FHOD3: variants seen among roughly 807,000 people sequenced by gnomAD.
The protein encoded by FHOD3 is formin homology 2 domain containing 3, also known as FH1/FH2 domain-containing protein 3.
A neutral mutation model predicts 173.0 loss-of-function variants in FHOD3; 90 were observed. That is an observed-to-expected ratio of 0.52 (90% CI 0.44 to 0.62). The LOEUF (loss-of-function observed/expected upper bound fraction) is 0.62. FHOD3 is among the 20% of genes least tolerant of loss of function. FHOD3 has a pLI of 0.00. For missense variants in FHOD3, 1,945 were observed against 2,034.7 expected, an observed-to-expected ratio of 0.96 and a Z score of 0.85; for synonymous variants, 828 against 823.0, an observed-to-expected ratio of 1.01 and a Z score of -0.10.
intron 3 of FHOD3, among the ~76,000 whole-genome samples, chr18:36,481,310 G>A (rs933869151): frequency 6.6e-6 from 1 of 152,094 alleles, no homozygotes; most frequent in African/African-American, 2.4e-5. Flanking sequence ...CTCTTCAAGT[G>A]AGCCAAAACT....
In FHOD3 at chr18:36,549,668, G is replaced by A. The variant is rs377014104; in HGVS notation, c.512-26783G>A. On this transcript the variant is annotated intron_variant, in intron 5 of 28. Transcript: ENST00000590592. The stretch of plus-strand genomic sequence containing the variant: ...TTCTCCTGCCTCAGCCTCCCAAGGA[G>A]CTGGGACTACAGGCGCCCTCCACCA... 2.1e-4 allele frequency among the ~76,000 whole-genome samples: 32 copies of A among 149,356 alleles called. No individual in the cohort carries two copies. In the East Asian group the frequency reaches 5.9e-3, roughly 28 times the overall value.
At chr18:36,393,994 G>A (rs1411633165) in intron 3 of FHOD3, among the ~76,000 whole-genome samples, 4 of 152,176 alleles carry the variant, frequency 2.6e-5, no homozygotes, top group African/African-American at 7.2e-5. Flanking sequence ...ATAACAAGAA[G>A]GGGCTGAGGG....
rs1257678698 is a variant in FHOD3, at chr18:36,401,460, A to G, written c.337+28716A>G. On this transcript the variant is annotated intron_variant, in intron 3 of 28. Coordinates refer to ENST00000590592, the MANE Select transcript of FHOD3 (RefSeq NM_001281740.3). Reference sequence around the variant, plus strand: ...TATAGCAGTCTGAATGAACTAAGACAGCCTGTCATTGGCAAGGATGCCTTT... The same window carrying G: ...TATAGCAGTCTGAATGAACTAAGACGGCCTGTCATTGGCAAGGATGCCTTT... Among the ~76,000 whole-genome samples the G allele has an allele frequency of 2.0e-5, 3 of 152,222 alleles. No homozygotes were observed. In the East Asian group the frequency reaches 5.8e-4, roughly 29 times the overall value.
At chr18:36,583,416 C>A (rs1451389819) in intron 6 of FHOD3, among the ~76,000 whole-genome samples, 1 of 152,230 alleles carries the variant, frequency 6.6e-6, no homozygotes. Context: ...TTTCCTGCCC[C>A]TGCCCTAGGA....
intron 16 of FHOD3, among the ~76,000 whole-genome samples, chr18:36,688,034 A>G (rs548362): frequency 0.49 from 74,932 of 152,148 alleles, 18,685 homozygotes; most frequent in East Asian, 0.68. Context: ...GAGCAGCTCA[A>G]AACTCTGGTG....
intron 3 of FHOD3, among the ~76,000 whole-genome samples, chr18:36,444,844 A>T (rs1472281727): frequency 1.3e-5 from 2 of 152,212 alleles, no homozygotes; most frequent in Non-Finnish European, 2.9e-5. Flanking sequence ...CAACTCTCCT[A>T]TGTAATGACA....
chr18:36,649,272 C>T, intron 10 of FHOD3, 44 bp from the exon 11 acceptor site: 6 of 1,425,864 alleles, frequency 4.2e-6, no homozygotes, highest in Non-Finnish European at 5.7e-6. Context: ...TCTCACTTTT[C>T]CATGTTGTCT....
rs1480203900 is a variant in FHOD3 at position 36,464,064 on chromosome 18, CA to C, written c.338-37867del. Among the ~76,000 whole-genome samples the C allele has an allele frequency of 2.6e-5, 4 of 152,034 alleles. No individual in the cohort carries two copies. The East Asian group carries it at 7.7e-4, about 29-fold the overall frequency. ...ATGAGATTAAATAGGAGAAAGCAACCATCTTTAATTCTATTTAGTCAGAAGA... is the reference window on the plus strand; with the variant it reads ...ATGAGATTAAATAGGAGAAAGCAACCTCTTTAATTCTATTTAGTCAGAAGA... On this transcript the variant is annotated intron_variant, in intron 3 of 28. Coordinates refer to ENST00000590592, the MANE Select transcript of FHOD3 (RefSeq NM_001281740.3).
intron 1 of FHOD3, among the ~76,000 whole-genome samples, chr18:36,350,558 G>T (rs1371025214): frequency 1.3e-5 from 2 of 152,158 alleles, no homozygotes; most frequent in Non-Finnish European, 2.9e-5. Flanking sequence ...AGGGGATCAG[G>T]GTTGATATGA....
At chr18:36,392,008 A>G (rs1488201199) in intron 3 of FHOD3, among the ~76,000 whole-genome samples, 1 of 152,208 alleles carries the variant, frequency 6.6e-6, no homozygotes, top group Non-Finnish European at 1.5e-5. Context: ...TGCTCACCGC[A>G]CACGTAAGCT....
intron 3 of FHOD3, among the ~76,000 whole-genome samples, chr18:36,434,756 G>A (rs1232811079): frequency 6.6e-6 from 1 of 151,852 alleles, no homozygotes; most frequent in Non-Finnish European, 1.5e-5. Context: ...AATTTTCAGG[G>A]TACAGGTCTT....
intron 3 of FHOD3, 99 bp downstream of exon 3, chr18:36,372,843 C>A (rs137891314): frequency 6.7e-5 from 66 of 987,768 alleles, no homozygotes; most frequent in South Asian, 2.9e-4. Flanking sequence ...TTTGCACTAG[C>A]CCCTATCATG....
At chr18:36,710,939 G>GAAATTGGA (rs1229305763) in intron 18 of FHOD3, 4 of 152,146 alleles carry the variant, frequency 2.6e-5, no homozygotes, top group Non-Finnish European at 5.9e-5. Flanking sequence ...AACATATCAA[G>GAAATTGGA]AAATTGGATT....
chr18:36,380,716 C>T (rs372694826), intron 3 of FHOD3, among the ~76,000 whole-genome samples: 4 of 150,392 alleles, frequency 2.7e-5, no homozygotes, highest in Non-Finnish European at 5.9e-5. Context: ...AATGTATTTA[C>T]GAGTACTTCA....
chr18:36,529,314 C>T (rs1025353475), intron 5 of FHOD3, among the ~76,000 whole-genome samples: 9 of 152,074 alleles, frequency 5.9e-5, no homozygotes, highest in South Asian at 4.2e-4. Flanking sequence ...AGCTGCTGCT[C>T]GTGTTATACA....
intron 3 of FHOD3, among the ~76,000 whole-genome samples, chr18:36,384,775 T>C (rs1285597239): frequency 6.6e-6 from 1 of 152,150 alleles, no homozygotes; most frequent in African/African-American, 2.4e-5. Flanking sequence ...CTTGGAGACC[T>C]GTTTGTTATT....
intron 3 of FHOD3, among the ~76,000 whole-genome samples, chr18:36,393,972 G>A (rs1033610278): frequency 2.0e-5 from 3 of 152,100 alleles, no homozygotes; most frequent in African/African-American, 7.2e-5. Flanking sequence ...AAACTTAGAA[G>A]GGTTTATTTA....
At chr18:36,361,473 G>A (rs1199729240) in intron 2 of FHOD3, among the ~76,000 whole-genome samples, 1 of 151,992 alleles carries the variant, frequency 6.6e-6, no homozygotes, top group Non-Finnish European at 1.5e-5. Context: ...ATTACTTGAG[G>A]TTAGGAGTTC....
chr18:36,714,609 T>G (rs1568656043), intron 18 of FHOD3, among the ~76,000 whole-genome samples: 1 of 152,194 alleles, frequency 6.6e-6, no homozygotes, highest in Non-Finnish European at 1.5e-5. Context: ...CATTTCCCAA[T>G]AAATGGAGAA....
Sources: gnomAD v4.1 joint callset for allele counts (sites outside exome capture counted in the v4.1 genomes callset) on GRCh38, gnomAD v4.1.1 for gene constraint, MANE v1.5 for transcripts, NCBI Gene and HGNC (gene_info 2026-07-23, HGNC 2026-07-21) for gene names.